Variants in SCD5 observed in about 807,000 individuals in gnomAD.
SCD5 encodes acyl-CoA-desaturase 4.
Under a neutral mutation model 30.4 loss-of-function variants are expected in SCD5, and 20 were observed. The observed-to-expected ratio is 0.66, with a 90% CI of 0.46 to 0.96. The LOEUF (loss-of-function observed/expected upper bound fraction) is 0.96. Among genes scored for constraint, SCD5 ranks in the 40% least tolerant of loss-of-function variants. SCD5 has a pLI of 0.00. For synonymous variants in SCD5, 173 were observed against 176.4 expected (o/e 0.98, Z 0.16); for missense variants, 381 against 443.3 (o/e 0.86, Z 1.26).
At chr4:82,719,589 C>T (rs1203697052) in intron 1 of SCD5, among the ~76,000 whole-genome samples, 24 of 148,932 alleles carry the variant, frequency 1.6e-4, no homozygotes, top group Non-Finnish European at 1.9e-4. Flanking sequence ...CTGCAAATTC[C>T]GCCTCCCAGG....
chr4:82,706,952 A>C (rs866786983), intron 1 of SCD5, among the ~76,000 whole-genome samples: 4 of 152,244 alleles, frequency 2.6e-5, no homozygotes, highest in South Asian at 2.1e-4. Flanking sequence ...TCATGACCCA[A>C]ATGAGGAAAA....
chr4:82,680,672 T>C (rs778385311), intron 3 of SCD5, 35 bp downstream of exon 3: 1 of 1,602,928 alleles, frequency 6.2e-7, no homozygotes, highest in African/African-American at 1.3e-5. Flanking sequence ...TCCTGGCCCC[T>C]GAGGGACAGC....
At chr4:82,725,156 C>T (rs1720444735) in intron 1 of SCD5, among the ~76,000 whole-genome samples, 1 of 152,128 alleles carries the variant, frequency 6.6e-6, no homozygotes, top group South Asian at 2.1e-4. Flanking sequence ...TCTATATCCT[C>T]GGAATATTTT....
intron 1 of SCD5, among the ~76,000 whole-genome samples, chr4:82,764,330 T>A (rs1379506483): frequency 1.3e-5 from 2 of 152,214 alleles, no homozygotes; most frequent in Non-Finnish European, 1.5e-5. Flanking sequence ...TTACATTTGG[T>A]GCTATTATTA....
At chr4:82,787,710 G>GATTA (rs1722015858) in intron 1 of SCD5, among the ~76,000 whole-genome samples, 1 of 152,132 alleles carries the variant, frequency 6.6e-6, no homozygotes. Flanking sequence ...TCAGGAATGG[G>GATTA]ATTAGTGCCC....
chr4:82,658,968 C>CT (rs1236461890), intron 3 of SCD5, among the ~76,000 whole-genome samples: 1 of 151,938 alleles, frequency 6.6e-6, no homozygotes, highest in African/African-American at 2.4e-5. Flanking sequence ...TGGTCCTTGG[C>CT]TTTTTTTGGT....
At chr4:82,725,743 C>T (rs1369786711) in intron 1 of SCD5, among the ~76,000 whole-genome samples, 1 of 152,008 alleles carries the variant, frequency 6.6e-6, no homozygotes, top group Non-Finnish European at 1.5e-5. Flanking sequence ...GCCTGTAGTC[C>T]CAGCTACCCA....
At chr4:82,694,921 GT>G (rs1265803931) in intron 2 of SCD5, among the ~76,000 whole-genome samples, 1 of 152,130 alleles carries the variant, frequency 6.6e-6, no homozygotes, top group Non-Finnish European at 1.5e-5. Flanking sequence ...AGTTCTGCAT[GT>G]TGTTCTAGTG....
chr4:82,735,006 C>G (rs113835588), intron 1 of SCD5, among the ~76,000 whole-genome samples: 1 of 152,050 alleles, frequency 6.6e-6, no homozygotes, highest in Non-Finnish European at 1.5e-5. Context: ...TGAGCTCAGG[C>G]AATCTGCCCA....
chr4:82,670,057 T>C (rs951328988), intron 3 of SCD5, among the ~76,000 whole-genome samples: 5 of 152,152 alleles, frequency 3.3e-5, no homozygotes, highest in African/African-American at 9.7e-5. Context: ...TGAAGACCTA[T>C]ATACAGCAGT....
chr4:82,738,524 C>T (rs1362852679), intron 1 of SCD5, among the ~76,000 whole-genome samples: 1 of 152,202 alleles, frequency 6.6e-6, no homozygotes, highest in East Asian at 1.9e-4. Context: ...CACACTTCCT[C>T]TCTTTCTCAA....
chr4:82,695,788 C>CCCT (rs1172546215), intron 2 of SCD5, among the ~76,000 whole-genome samples: 1 of 152,146 alleles, frequency 6.6e-6, no homozygotes, highest in African/African-American at 2.4e-5. Context: ...GTTTTCCCTA[C>CCCT]CCTCCTCTTC....
chr4:82,677,125 G>A (rs1269124897), intron 3 of SCD5, among the ~76,000 whole-genome samples: 1 of 152,234 alleles, frequency 6.6e-6, no homozygotes, highest in East Asian at 1.9e-4. Context: ...ACTGAAGGAG[G>A]AGTCTCTAAA....
intron 3 of SCD5, among the ~76,000 whole-genome samples, chr4:82,669,511 A>G (rs545627487): frequency 2.7e-4 from 41 of 152,314 alleles, no homozygotes; most frequent in Admixed American, 5.2e-4. Context: ...GAATCACAAC[A>G]TAGGGAGTGG....
At chr4:82,782,196 C>T (rs994999895) in intron 1 of SCD5, among the ~76,000 whole-genome samples, 2 of 151,258 alleles carry the variant, frequency 1.3e-5, no homozygotes, top group Non-Finnish European at 2.9e-5. Context: ...CATGACTGAT[C>T]GAGGGAAGTG....
At chr4:82,633,227 G>A (rs1031502082) in intron 4 of SCD5, among the ~76,000 whole-genome samples, 3 of 152,124 alleles carry the variant, frequency 2.0e-5, no homozygotes, top group Non-Finnish European at 2.9e-5. Context: ...AAGTGAGATC[G>A]TGCAGCGTTT....
chr4:82,785,591 C>A (rs1721969011), intron 1 of SCD5, among the ~76,000 whole-genome samples: 1 of 152,200 alleles, frequency 6.6e-6, no homozygotes, highest in Admixed American at 6.5e-5. Context: ...GTATATATGT[C>A]AATAAATTTC....
chr4:82,786,811 AC>A (rs375334465), intron 1 of SCD5, among the ~76,000 whole-genome samples: 111 of 150,502 alleles, frequency 7.4e-4, no homozygotes, highest in East Asian at 4.7e-3. Flanking sequence ...AAAAAAAAAA[AC>A]AAGGCAATCT....
chr4:82,668,820 T>A (rs565308478), intron 3 of SCD5, among the ~76,000 whole-genome samples: 2 of 152,130 alleles, frequency 1.3e-5, no homozygotes, highest in Non-Finnish European at 2.9e-5. Context: ...TAAAAGCCCC[T>A]GTCTCCATGT....
Sources: gnomAD v4.1 joint callset for allele counts (sites outside exome capture counted in the v4.1 genomes callset) on GRCh38, gnomAD v4.1.1 for gene constraint, MANE v1.5 for transcripts, NCBI Gene and HGNC (gene_info 2026-07-23, HGNC 2026-07-21) for gene names.